The following AGMO variants were observed in gnomAD, a reference collection of about 807,000 sequenced individuals.
The protein encoded by AGMO is glyceryl-ether monooxygenase.
A neutral mutation model predicts 60.2 loss-of-function variants in AGMO; 75 were observed. The observed-to-expected ratio is 1.25, with a 90% CI of 1.03 to 1.51. AGMO has a LOEUF of 1.51. Among genes scored for constraint, AGMO ranks in the 40% most tolerant of loss-of-function variants. The probability of loss-of-function intolerance (pLI) is 0.00; values close to 1 mark genes in which losing one functional copy is unlikely to be tolerated. For synonymous variants in AGMO, 261 were observed against 177.1 expected (o/e 1.47, Z -3.76); for missense variants, 763 against 525.5 (o/e 1.45, Z -4.42).
At chr7:15,368,097 C>T (rs1047808142) in intron 10 of AGMO, among the ~76,000 whole-genome samples, 2 of 151,754 alleles carry the variant, frequency 1.3e-5, no homozygotes, top group East Asian at 3.9e-4. Context: ...AAGAGTATTG[C>T]TGAGTGGTCA....
intron 12 of AGMO, among the ~76,000 whole-genome samples, chr7:15,345,376 C>G (rs985112690): frequency 9.9e-5 from 15 of 152,178 alleles, no homozygotes; most frequent in African/African-American, 3.4e-4. Context: ...GGATGCCCTC[C>G]CTCATACCCT....
At chr7:15,219,671 A>G (rs888742961) in intron 12 of AGMO, among the ~76,000 whole-genome samples, 1 of 152,088 alleles carries the variant, frequency 6.6e-6, no homozygotes, top group African/African-American at 2.4e-5. Context: ...GTGGAGAATG[A>G]AGACTGGCTA....
intron 12 of AGMO, among the ~76,000 whole-genome samples, chr7:15,221,435 A>G (rs1781919018): frequency 6.6e-6 from 1 of 152,184 alleles, no homozygotes; most frequent in Non-Finnish European, 1.5e-5. Flanking sequence ...TAAAAAAAAA[A>G]TTCCTCCTTG....
At chr7:15,384,187 T>A (rs1461945874) in intron 10 of AGMO, among the ~76,000 whole-genome samples, 1 of 152,186 alleles carries the variant, frequency 6.6e-6, no homozygotes, top group African/African-American at 2.4e-5. Flanking sequence ...TCTGCCCACC[T>A]TGGCCTCCCA....
intron 2 of AGMO, among the ~76,000 whole-genome samples, chr7:15,551,209 T>A (rs1288707347): frequency 6.6e-6 from 1 of 152,022 alleles, no homozygotes; most frequent in South Asian, 2.1e-4. Context: ...ACAGCCAATA[T>A]CATACTGAAT....
intron 12 of AGMO, among the ~76,000 whole-genome samples, chr7:15,243,962 T>C (rs1296489999): frequency 2.6e-5 from 4 of 152,146 alleles, no homozygotes; most frequent in African/African-American, 9.7e-5. Context: ...TGTATTTCCA[T>C]ACTTTAGGTC....
chr7:15,170,148 G>C, the AGMO span, among the ~76,000 whole-genome samples: 28 of 152,362 alleles, frequency 1.8e-4, no homozygotes, highest in Admixed American at 7.8e-4. Context: ...CTGACCAGGG[G>C]TGAGCAAACC....
chr7:15,322,611 TAA>T (rs1781182810), intron 12 of AGMO, among the ~76,000 whole-genome samples: 2 of 43,228 alleles, frequency 4.6e-5, no homozygotes, highest in African/African-American at 2.8e-4. Flanking sequence ...TAAATATATA[TAA>T]ATATATAAAT....
At chr7:15,271,832 A>G (rs1357152570) in intron 12 of AGMO, among the ~76,000 whole-genome samples, 2 of 152,086 alleles carry the variant, frequency 1.3e-5, no homozygotes, top group Non-Finnish European at 2.9e-5. Flanking sequence ...TTCTTTCGAG[A>G]TATTTTTCTT....
chr7:15,183,797 T>C, the AGMO span, among the ~76,000 whole-genome samples: 1 of 152,286 alleles, frequency 6.6e-6, no homozygotes, highest in East Asian at 1.9e-4. Flanking sequence ...CCTTTAAGCA[T>C]CAAATAGTTG....
intron 10 of AGMO, among the ~76,000 whole-genome samples, chr7:15,372,618 C>T (rs1288748418): frequency 2.6e-5 from 4 of 151,910 alleles, no homozygotes; most frequent in African/African-American, 4.8e-5. Context: ...CACTGGCCAA[C>T]TACACTAGAG....
At chr7:15,323,653 T>C (rs939854075) in intron 12 of AGMO, among the ~76,000 whole-genome samples, 3 of 152,150 alleles carry the variant, frequency 2.0e-5, no homozygotes, top group African/African-American at 7.2e-5. Flanking sequence ...TTCCAAGCTG[T>C]CTCCCGAGCT....
intron 12 of AGMO, among the ~76,000 whole-genome samples, chr7:15,363,906 A>G (rs1052012377): frequency 1.3e-5 from 2 of 152,068 alleles, no homozygotes; most frequent in South Asian, 2.1e-4. Context: ...CTAAGGTGTT[A>G]AAGTGCCATT....
At chr7:15,180,131 A>C in the AGMO span, among the ~76,000 whole-genome samples, 14 of 152,266 alleles carry the variant, frequency 9.2e-5, no homozygotes, top group African/African-American at 3.1e-4. Flanking sequence ...TATCCACAGT[A>C]ATCTCTTTAG....
chr7:15,126,509 A>T, the AGMO span, among the ~76,000 whole-genome samples: 1 of 152,096 alleles, frequency 6.6e-6, no homozygotes, highest in Non-Finnish European at 1.5e-5. Context: ...ATCAAATCCA[A>T]AAGTGAAAAA....
At chr7:15,390,294 A>C (rs191578416) in intron 8 of AGMO, among the ~76,000 whole-genome samples, 39 of 152,258 alleles carry the variant, frequency 2.6e-4, no homozygotes, top group African/African-American at 8.7e-4. Flanking sequence ...TGAATTTCTA[A>C]CCAGAGTCAT....
At chr7:15,464,734 T>C (rs1034928915) in intron 3 of AGMO, among the ~76,000 whole-genome samples, 2 of 152,176 alleles carry the variant, frequency 1.3e-5, no homozygotes, top group African/African-American at 4.8e-5. Context: ...GTGCATTGTG[T>C]TGTAGTTGTG....
chr7:15,186,578 T>C, the AGMO span, among the ~76,000 whole-genome samples: 3 of 152,182 alleles, frequency 2.0e-5, no homozygotes, highest in Non-Finnish European at 4.4e-5. Flanking sequence ...ATGTGCAAAG[T>C]AGAATGTTTC....
intron 12 of AGMO, among the ~76,000 whole-genome samples, chr7:15,268,351 T>A (rs911079115): frequency 6.6e-6 from 1 of 152,038 alleles, no homozygotes; most frequent in Non-Finnish European, 1.5e-5. Flanking sequence ...TCCCTCACTG[T>A]TACCTCTTCC....
Sources: allele counts gnomAD v4.1 joint callset (sites outside exome capture counted in the v4.1 genomes callset), GRCh38; gene constraint gnomAD v4.1.1; transcripts MANE v1.5; gene names NCBI Gene and HGNC (gene_info 2026-07-23, HGNC 2026-07-21).